CTNNA2: variants seen among roughly 807,000 people sequenced by gnomAD.
CTNNA2 encodes catenin alpha 2, also known as catenin alpha-2.
Under a neutral mutation model 101.0 loss-of-function variants are expected in CTNNA2, and 42 were observed. The observed-to-expected ratio is 0.42, with a 90% CI of 0.32 to 0.54. CTNNA2 has a LOEUF of 0.54. Ranked by LOEUF, CTNNA2 falls within the 20% of genes least tolerant of loss-of-function variation. CTNNA2 has a pLI of 0.14. For synonymous variants in CTNNA2, 450 were observed against 456.4 expected (o/e 0.99, Z 0.18); for missense variants, 871 against 1,223.1 (o/e 0.71, Z 4.29).
chr2:79,311,315 A>T (rs1444660846), intron 2 of CTNNA2, among the ~76,000 whole-genome samples: 2 of 149,288 alleles, frequency 1.3e-5, no homozygotes, highest in Non-Finnish European at 1.5e-5. Flanking sequence ...AGGCTGAGGC[A>T]GGAGAATGGC....
chr2:80,522,590 G>A (rs12464560), intron 9 of CTNNA2, among the ~76,000 whole-genome samples: 13,970 of 152,070 alleles, frequency 0.092, 908 homozygotes, highest in Non-Finnish European at 0.14. Flanking sequence ...ATGTTGAATT[G>A]TAATCCCCAG....
At chr2:80,425,826 C>A (rs2149417064) in intron 9 of CTNNA2, among the ~76,000 whole-genome samples, 1 of 152,054 alleles carries the variant, frequency 6.6e-6, no homozygotes, top group Non-Finnish European at 1.5e-5. Flanking sequence ...TTAGAAAAGT[C>A]CTCAGCAAGG....
intron 7 of CTNNA2, among the ~76,000 whole-genome samples, chr2:80,141,966 A>C (rs1169762617): frequency 6.6e-6 from 1 of 151,922 alleles, no homozygotes; most frequent in Non-Finnish European, 1.5e-5. Flanking sequence ...CCGCTGGCAC[A>C]TAGACCTCAG....
intron 7 of CTNNA2, among the ~76,000 whole-genome samples, chr2:80,230,814 T>C (rs1377992766): frequency 1.3e-5 from 2 of 152,200 alleles, no homozygotes; most frequent in Admixed American, 1.3e-4. Flanking sequence ...CAAAGCTTGC[T>C]CTACCTTTGT....
intron 6 of CTNNA2, among the ~76,000 whole-genome samples, chr2:79,888,362 G>A (rs762652218): frequency 6.0e-4 from 92 of 152,066 alleles, no homozygotes; most frequent in Admixed American, 1.4e-3. Flanking sequence ...ATCTCTTTCC[G>A]GGTTATTGAC....
chr2:80,616,590 C>A (rs1698873901), intron 17 of CTNNA2: 1 of 151,664 alleles, frequency 6.6e-6, no homozygotes, highest in African/African-American at 2.4e-5. Flanking sequence ...ACTACCGTGA[C>A]TATAATAATG....
intron 7 of CTNNA2, among the ~76,000 whole-genome samples, chr2:80,381,835 T>C (rs1676543353): frequency 6.6e-6 from 1 of 152,198 alleles, no homozygotes; most frequent in Admixed American, 6.5e-5. Context: ...AAGCACCATT[T>C]TATCGAATCT....
chr2:80,189,031 C>A (rs1199785737), intron 7 of CTNNA2, among the ~76,000 whole-genome samples: 2 of 144,602 alleles, frequency 1.4e-5, no homozygotes, highest in Non-Finnish European at 3.0e-5. Context: ...CAGCTCACTG[C>A]AACCTCCCAT....
chr2:80,279,350 A>C (rs936029525), intron 7 of CTNNA2, among the ~76,000 whole-genome samples: 1 of 152,000 alleles, frequency 6.6e-6, no homozygotes, highest in Non-Finnish European at 1.5e-5. Context: ...TTATGGTGCA[A>C]AGACACGTTG....
chr2:80,464,393 G>A (rs1684690815), intron 9 of CTNNA2, among the ~76,000 whole-genome samples: 1 of 152,152 alleles, frequency 6.6e-6, no homozygotes, highest in Admixed American at 6.6e-5. Context: ...TTGAGTTGTG[G>A]TCAGATGTTT....
intron 7 of CTNNA2, among the ~76,000 whole-genome samples, chr2:80,330,272 AC>A (rs1174977429): frequency 1.9e-4 from 29 of 152,240 alleles, no homozygotes; most frequent in African/African-American, 5.8e-4. Context: ...GATCTACTTA[AC>A]AGTACCTGCT....
intron 7 of CTNNA2, among the ~76,000 whole-genome samples, chr2:80,335,515 T>C (rs1671696634): frequency 2.0e-5 from 3 of 151,964 alleles, no homozygotes; most frequent in Admixed American, 6.6e-5. Flanking sequence ...CACATCAAAA[T>C]AGTTTGGGTA....
chr2:80,272,911 A>T (rs1327366763), intron 7 of CTNNA2, among the ~76,000 whole-genome samples: 3 of 152,182 alleles, frequency 2.0e-5, no homozygotes, highest in African/African-American at 4.8e-5. Context: ...CATAATTTTG[A>T]TTAGAAAATC....
At chr2:79,717,181 A>C (rs1193947984) in intron 2 of CTNNA2, among the ~76,000 whole-genome samples, 1 of 151,708 alleles carries the variant, frequency 6.6e-6, no homozygotes, top group Non-Finnish European at 1.5e-5. Flanking sequence ...GCACTATTTA[A>C]ATTTTTAAAT....
At chr2:80,279,796 C>A (rs1045501043) in intron 7 of CTNNA2, among the ~76,000 whole-genome samples, 3 of 152,142 alleles carry the variant, frequency 2.0e-5, no homozygotes, top group Non-Finnish European at 2.9e-5. Context: ...ATGGCCTGGG[C>A]TCCTGGGAGA....
intron 1 of CTNNA2, among the ~76,000 whole-genome samples, chr2:79,585,888 G>A (rs1676455484): frequency 6.6e-6 from 1 of 152,114 alleles, no homozygotes; most frequent in South Asian, 2.1e-4. Context: ...GCTCAGCATT[G>A]TGTTCTCTTA....
At chr2:79,949,192 G>C (rs764667271) in intron 7 of CTNNA2, among the ~76,000 whole-genome samples, 2 of 152,042 alleles carry the variant, frequency 1.3e-5, no homozygotes, top group Non-Finnish European at 2.9e-5. Flanking sequence ...AGTCTCAATA[G>C]GATAATCACT....
chr2:79,933,152 T>C (rs1687561173), intron 7 of CTNNA2, among the ~76,000 whole-genome samples: 1 of 152,200 alleles, frequency 6.6e-6, no homozygotes, highest in Non-Finnish European at 1.5e-5. Flanking sequence ...ACTACCACCA[T>C]AATCACAATG....
chr2:79,990,564 T>G (rs190866453), intron 7 of CTNNA2, among the ~76,000 whole-genome samples: 29 of 152,328 alleles, frequency 1.9e-4, no homozygotes, highest in African/African-American at 7.0e-4. Context: ...GTTTCTTCTT[T>G]GTAAAATAGG....
Sources: allele counts gnomAD v4.1 joint callset (sites outside exome capture counted in the v4.1 genomes callset), GRCh38; gene constraint gnomAD v4.1.1; transcripts MANE v1.5; gene names NCBI Gene and HGNC (gene_info 2026-07-23, HGNC 2026-07-21).